The following GRM4 variants were observed in gnomAD, a reference collection of about 807,000 sequenced individuals.
GRM4 encodes the protein metabotropic glutamate receptor 4.
In GRM4, 28 loss-of-function variants were observed where a neutral mutation model predicts 81.7. The observed-to-expected ratio is 0.34, with a 90% CI of 0.25 to 0.47. The LOEUF is 0.47. GRM4 is among the 20% of genes least tolerant of loss of function. The pLI, the probability that GRM4 is intolerant of heterozygous loss-of-function variation, is 1.00. For synonymous variants in GRM4, 488 were observed against 528.8 expected (o/e 0.92, Z 1.06); for missense variants, 948 against 1,290.0 (o/e 0.73, Z 4.06).
chr6:34,104,529 A>C (rs115953937), intron 2 of GRM4, among the ~76,000 whole-genome samples: 1,852 of 152,314 alleles, frequency 0.012, 19 homozygotes, highest in Middle Eastern at 0.031. Flanking sequence ...ATACATGGAA[A>C]CAGGATGACA....
rs6904593 is a variant in GRM4 at position 34,080,034 on chromosome 6, G to A, written c.736+11849C>T. On this transcript the variant is annotated intron_variant, in intron 3 of 10. Transcript: ENST00000538487. This position sits in a 1 kb window ranked among gnomAD's most constrained non-coding sequence, Gnocchi z 5.4. ...GGCCCCATGCAATTTGCCCTCCTCC[G>A]GCCGTATGTCTCCCTGCCTCACTCA... Among the ~76,000 whole-genome samples, 37,729 of 152,004 alleles carry A rather than the reference G, an allele frequency of 0.25. 7,414 individuals carry two copies. Among genetic ancestry groups the A allele is most frequent in the African/African-American group, 0.53 (22,140 of 41,432 alleles).
At chr6:34,084,269 AGCGTGTGCTGAGGCCCT>A (rs1767763022) in intron 3 of GRM4, among the ~76,000 whole-genome samples, 1 of 152,196 alleles carries the variant, frequency 6.6e-6, no homozygotes, top group African/African-American at 2.4e-5. Flanking sequence ...TTCACTCTGC[AGCGTGTGCTGAGGCCCT>A]GCTATGTGCG....
chr6:34,075,247 A>G (rs1406652714), intron 3 of GRM4, among the ~76,000 whole-genome samples: 11 of 152,142 alleles, frequency 7.2e-5, no homozygotes, highest in African/African-American at 2.4e-4. Context: ...AAGGCCCCCA[A>G]GTTTCTTCCC....
chr6:34,155,324 G>A (rs747787650), exon 1 of GRM4: 3 of 1,521,480 alleles, frequency 2.0e-6, no homozygotes, highest in Non-Finnish European at 2.6e-6. Flanking sequence ...ATGCAGAGGC[G>A]TAGAGGGGAG....
chr6:34,144,555 G>C (rs1770839868), intron 1 of GRM4, among the ~76,000 whole-genome samples: 2 of 152,222 alleles, frequency 1.3e-5, no homozygotes, highest in Non-Finnish European at 2.9e-5. Context: ...ACGGGCAAGC[G>C]GTTGCCGGGC....
At chr6:34,145,978 G>T (rs1426525712) in intron 1 of GRM4, 22 bp downstream of exon 1, 1 of 974,970 alleles carries the variant, frequency 1.0e-6, no homozygotes. Flanking sequence ...CCTCCTCCCC[G>T]TGCGCGTGCC....
rs1330028808 is a variant in GRM4, at chr6:34,020,067, C to T, written c.*2754G>A. The T allele has an allele frequency of 1.3e-5, 2 of 152,540 alleles. No homozygotes were observed. The highest frequency in any genetic ancestry group is 2.9e-5 in the Non-Finnish European group (2 of 68,224). 9.4% of individuals were successfully genotyped at this position (152,540 alleles called of 1,614,324 possible). A position where few individuals can be genotyped will look rare whatever the true frequency, so the allele number is the denominator to read the frequency against. On this transcript the variant is annotated 3_prime_UTR_variant, in exon 11 of 11. Transcript: ENST00000538487. The stretch of plus-strand genomic sequence containing the variant: ...AGAGCCCACCTCTGCACCCCAGGCT[C>T]AGATGCCCAAAGTCACACCCACCCA...
chr6:34,028,981 G>A (rs958735341), intron 9 of GRM4, among the ~76,000 whole-genome samples: 18 of 152,192 alleles, frequency 1.2e-4, no homozygotes, highest in South Asian at 2.1e-4. Flanking sequence ...ATGCTCGCTC[G>A]CCAGCACTAA....
rs375736944 is a variant in GRM4, at chr6:34,042,830, C to G, written c.1169-2082G>C. Among the ~76,000 whole-genome samples the G allele has an allele frequency of 2.4e-4, 36 of 152,296 alleles. No individual in the cohort carries two copies. Among genetic ancestry groups the G allele is most frequent in the East Asian group, 7.7e-4 (4 of 5,176 alleles). On this transcript the variant is annotated intron_variant, in intron 6 of 10. Coordinates refer to ENST00000538487, the MANE Select transcript of GRM4 (RefSeq NM_000841.4). This position sits in a 1 kb window ranked among gnomAD's most constrained non-coding sequence, Gnocchi z 4.2. ...CACTGCCTCTCCCTGAGGCAGTACC[C>G]TCTAATCCCCTCACACCCTCTAATC...
chr6:34,042,183 A>G lies in GRM4; in HGVS notation c.1169-1435T>C, dbSNP rs1469291173. On this transcript the variant is annotated intron_variant, in intron 6 of 10. Coordinates refer to ENST00000538487, the MANE Select transcript of GRM4 (RefSeq NM_000841.4). This position sits in a 1 kb window ranked among gnomAD's most constrained non-coding sequence, Gnocchi z 4.2. The stretch of plus-strand genomic sequence containing the variant: ...CAGGAGGCTGAGGCACAAGGATCAC[A>G]TGAACCCGGGAGGCGGAGCTTGCAG... Among the ~76,000 whole-genome samples, 2 of 152,242 alleles carry G rather than the reference A, an allele frequency of 1.3e-5. No homozygotes were observed. The highest frequency in any genetic ancestry group is 2.9e-5 in the Non-Finnish European group (2 of 68,040).
At chr6:34,113,366 G>T (rs1769464134) in intron 2 of GRM4, among the ~76,000 whole-genome samples, 1 of 152,066 alleles carries the variant, frequency 6.6e-6, no homozygotes, top group African/African-American at 2.4e-5. Flanking sequence ...TGCCCAGGCT[G>T]GTCTCGAACT....
chr6:34,071,451 ACAT>A (rs1273846769), intron 3 of GRM4, among the ~76,000 whole-genome samples: 2 of 68,882 alleles, frequency 2.9e-5, no homozygotes, highest in Non-Finnish European at 3.0e-5. Flanking sequence ...CCACACACAC[ACAT>A]CACCACAGAG....
intron 1 of GRM4, among the ~76,000 whole-genome samples, chr6:34,139,742 G>A (rs921802186): frequency 1.3e-5 from 2 of 152,244 alleles, no homozygotes; most frequent in Non-Finnish European, 2.9e-5. Flanking sequence ...CCCAGGACAG[G>A]GGATCTGCAG....
rs1764600282 is a variant in GRM4, at chr6:34,034,662, CCACT to C, written c.2442+1002_2442+1005del. Among the ~76,000 whole-genome samples, 1 of 152,210 alleles carries C rather than the reference CCACT, an allele frequency of 6.6e-6. No individual in the cohort carries two copies. Among genetic ancestry groups the C allele is most frequent in the Non-Finnish European group, 1.5e-5 (1 of 68,044 alleles). ...TACAGTGTATTAACTGTTTGTGCAC[CCACT>C]GTGTCATGTGATTGTGACAATACCT... is the stretch of plus-strand genomic sequence containing the variant. On this transcript the variant is annotated intron_variant, in intron 9 of 10. Coordinates refer to ENST00000538487, the MANE Select transcript of GRM4 (RefSeq NM_000841.4). This position sits in a 1 kb window ranked among gnomAD's most constrained non-coding sequence, Gnocchi z 4.0.
At chr6:34,083,544 G>A (rs570785285) in intron 3 of GRM4, among the ~76,000 whole-genome samples, 12 of 152,312 alleles carry the variant, frequency 7.9e-5, no homozygotes, top group Middle Eastern at 3.4e-3. Flanking sequence ...GACAGGTGGC[G>A]TACAAGGGCA....
chr6:34,059,435 C>T lies in GRM4; in HGVS notation c.873-307G>A. On this transcript the variant is annotated intron_variant, in intron 4 of 10. Coordinates refer to ENST00000538487, the MANE Select transcript of GRM4 (RefSeq NM_000841.4). This position sits in a 1 kb window ranked among gnomAD's most constrained non-coding sequence, Gnocchi z 5.7. ...AGACCACACCTCTCCCCTCCAGATC[C>T]ACACCCGCCCCACGTCTGACTCAGG... 17 of 378,226 alleles carry T rather than the reference C, an allele frequency of 4.5e-5. No homozygotes were observed. Among genetic ancestry groups the T allele is most frequent in the South Asian group, 2.2e-4 (7 of 31,140 alleles). 23.4% of individuals were successfully genotyped at this position (378,226 alleles called of 1,614,324 possible).
At chr6:34,028,046 A>T in intron 10 of GRM4, 74 bp downstream of exon 10, 1 of 1,471,994 alleles carries the variant, frequency 6.8e-7, no homozygotes, top group Non-Finnish European at 9.1e-7. Flanking sequence ...GGGGAGGGGC[A>T]GGAGCTCAGC....
chr6:34,123,572 G>A (rs1051703130), intron 2 of GRM4, among the ~76,000 whole-genome samples: 28 of 152,268 alleles, frequency 1.8e-4, no homozygotes, highest in Admixed American at 5.2e-4. Flanking sequence ...GCCAGGATCT[G>A]CACCAACTGC....
At position 34,022,455 on chromosome 6, in the gene GRM4, G is replaced by C. The variant is rs555037448; in HGVS notation, c.*366C>G. The C allele has an allele frequency of 3.7e-6, 1 of 271,598 alleles. No homozygotes were observed. 16.8% of individuals were successfully genotyped at this position (271,598 alleles called of 1,614,324 possible). On this transcript the variant is annotated 3_prime_UTR_variant, in exon 11 of 11. Coordinates refer to ENST00000538487, the MANE Select transcript of GRM4 (RefSeq NM_000841.4). This position sits in a 1 kb window ranked among gnomAD's most constrained non-coding sequence, Gnocchi z 5.6. ...AAACAAAGAGATAAGAGAACAGAAA[G>C]ACAGGGCTGGAGACAGACAGAGGGG...
Sources: gnomAD v4.1 joint callset for allele counts (sites outside exome capture counted in the v4.1 genomes callset) on GRCh38, gnomAD v4.1.1 for gene constraint, Gnocchi (gnomAD v3.1) non-coding constraint, MANE v1.5 for transcripts, NCBI Gene and HGNC (gene_info 2026-07-23, HGNC 2026-07-21) for gene names.